PTPRT: variants seen among roughly 807,000 people sequenced by gnomAD.
The protein encoded by PTPRT is receptor-type tyrosine-protein phosphatase T.
Under a neutral mutation model 176.8 loss-of-function variants are expected in PTPRT, and 56 were observed. The observed-to-expected ratio is 0.32, with a 90% CI of 0.26 to 0.40. The LOEUF is 0.40. PTPRT is among the 10% of genes least tolerant of loss of function. The pLI, the probability that PTPRT is intolerant of heterozygous loss-of-function variation, is 1.00. For synonymous variants in PTPRT, 783 were observed against 739.0 expected (o/e 1.06, Z -0.96); for missense variants, 1,540 against 1,908.2 (o/e 0.81, Z 3.60).
intron 9 of PTPRT, among the ~76,000 whole-genome samples, chr20:42,355,145 C>G (rs183054910): frequency 6.6e-6 from 1 of 152,060 alleles, no homozygotes; most frequent in Non-Finnish European, 1.5e-5. Flanking sequence ...ATTAACACCC[C>G]AGCCCTGATG....
intron 1 of PTPRT, among the ~76,000 whole-genome samples, chr20:43,138,302 C>G (rs1160159428): frequency 1.3e-5 from 2 of 152,226 alleles, no homozygotes; most frequent in East Asian, 3.8e-4. Context: ...TAGGCCAGAG[C>G]CAGGAGGCCC....
At chr20:42,479,758 C>G (rs879274946) in intron 7 of PTPRT, among the ~76,000 whole-genome samples, 1 of 152,192 alleles carries the variant, frequency 6.6e-6, no homozygotes, top group African/African-American at 2.4e-5. Context: ...TTTCAAATTT[C>G]AGATTTTCAA....
chr20:42,798,934 C>G (rs560995243), intron 2 of PTPRT, among the ~76,000 whole-genome samples: 1 of 152,014 alleles, frequency 6.6e-6, no homozygotes, highest in East Asian at 1.9e-4. Context: ...CTAATGCAAG[C>G]AGAGTCAGGC....
At chr20:42,236,899 G>C (rs945850698) in intron 14 of PTPRT, among the ~76,000 whole-genome samples, 1 of 152,028 alleles carries the variant, frequency 6.6e-6, no homozygotes, top group African/African-American at 2.4e-5. Context: ...TGTGTGAATA[G>C]AATGTGGTAG....
intron 2 of PTPRT, among the ~76,000 whole-genome samples, chr20:42,861,115 T>C (rs1019682184): frequency 3.9e-5 from 6 of 152,334 alleles, no homozygotes; most frequent in South Asian, 2.1e-4. Flanking sequence ...AGTTTGGCCA[T>C]GGACAGAAGA....
At chr20:42,071,477 C>A (rs573937221), downstream of PTPRT, among the ~76,000 whole-genome samples, 215 of 152,170 alleles carry the variant, frequency 1.4e-3, no homozygotes, top group African/African-American at 5.0e-3. Context: ...GGGGCACTTG[C>A]TGAACATATA....
intron 2 of PTPRT, among the ~76,000 whole-genome samples, chr20:42,874,623 G>T (rs1345986520): frequency 6.6e-6 from 1 of 152,188 alleles, no homozygotes; most frequent in Non-Finnish European, 1.5e-5. Context: ...TCTGGATCCA[G>T]ACGGCCTGAA....
intron 1 of PTPRT, among the ~76,000 whole-genome samples, chr20:42,966,958 A>C (rs967915599): frequency 6.6e-6 from 1 of 152,178 alleles, no homozygotes; most frequent in Non-Finnish European, 1.5e-5. Context: ...TTTAACTTCC[A>C]TTTGTTGTGC....
intron 7 of PTPRT, among the ~76,000 whole-genome samples, chr20:42,625,658 T>C (rs2074276587): frequency 6.6e-6 from 1 of 151,852 alleles, no homozygotes; most frequent in African/African-American, 2.4e-5. Context: ...GATGGGTGGG[T>C]GAGTCTATAA....
intron 1 of PTPRT, among the ~76,000 whole-genome samples, chr20:43,094,106 T>G (rs1370175227): frequency 6.7e-6 from 1 of 150,194 alleles, no homozygotes; most frequent in East Asian, 1.9e-4. Context: ...TTTTTTTTTT[T>G]TTGACGGAGT....
intron 1 of PTPRT, among the ~76,000 whole-genome samples, chr20:43,053,669 A>T (rs1236648219): frequency 6.6e-6 from 1 of 152,120 alleles, no homozygotes; most frequent in Non-Finnish European, 1.5e-5. Flanking sequence ...TCTGTCTTCC[A>T]GACAGTTCAC....
chr20:42,350,381 AC>A (rs1162238032), intron 11 of PTPRT, among the ~76,000 whole-genome samples: 1 of 151,790 alleles, frequency 6.6e-6, no homozygotes, highest in Non-Finnish European at 1.5e-5. Flanking sequence ...GGCGTGTGCT[AC>A]CACATCCAGC....
At chr20:42,702,826 T>C (rs2075994401) in intron 6 of PTPRT, among the ~76,000 whole-genome samples, 1 of 152,202 alleles carries the variant, frequency 6.6e-6, no homozygotes. Context: ...AGGCTCTACC[T>C]AACACAGTTT....
At chr20:42,724,210 T>C (rs1275524867) in intron 6 of PTPRT, among the ~76,000 whole-genome samples, 1 of 152,216 alleles carries the variant, frequency 6.6e-6, no homozygotes, top group Non-Finnish European at 1.5e-5. Flanking sequence ...TATTAACCAC[T>C]GAGATCAATC....
intron 11 of PTPRT, among the ~76,000 whole-genome samples, chr20:42,330,759 G>A (rs2057954443): frequency 6.6e-6 from 1 of 152,118 alleles, no homozygotes; most frequent in Non-Finnish European, 1.5e-5. Context: ...TTAACAAATA[G>A]AGCATTCAAA....
intron 1 of PTPRT, among the ~76,000 whole-genome samples, chr20:43,127,284 G>T (rs184518920): frequency 2.4e-3 from 366 of 151,968 alleles, no homozygotes; most frequent in Non-Finnish European, 4.0e-3. Context: ...TTAGCCGGGC[G>T]TGGTGGTGGG....
intron 7 of PTPRT, among the ~76,000 whole-genome samples, chr20:42,577,333 G>T (rs944055206): frequency 6.6e-6 from 1 of 152,152 alleles, no homozygotes; most frequent in South Asian, 2.1e-4. Context: ...GCACAAGGCG[G>T]ATGAGCAAAC....
intron 1 of PTPRT, among the ~76,000 whole-genome samples, chr20:43,020,385 G>C (rs757852074): frequency 3.2e-4 from 49 of 151,882 alleles, no homozygotes; most frequent in Non-Finnish European, 5.1e-4. Flanking sequence ...TATACGTAGG[G>C]AAACAGACCT....
At chr20:43,111,821 T>C (rs1165865717) in intron 1 of PTPRT, among the ~76,000 whole-genome samples, 2 of 152,214 alleles carry the variant, frequency 1.3e-5, no homozygotes, top group Non-Finnish European at 2.9e-5. Context: ...TAATTATTCC[T>C]GGAGTGGGCA....
Sources: allele counts gnomAD v4.1 joint callset (sites outside exome capture counted in the v4.1 genomes callset), GRCh38; gene constraint gnomAD v4.1.1; transcripts MANE v1.5; gene names NCBI Gene and HGNC (gene_info 2026-07-23, HGNC 2026-07-21).